DLG5: variants seen among roughly 807,000 people sequenced by gnomAD.
DLG5 encodes the protein disks large homolog 5.
A neutral mutation model predicts 189.8 loss-of-function variants in DLG5; 48 were observed. That is an observed-to-expected ratio of 0.25 (90% confidence interval 0.20 to 0.32). The LOEUF (loss-of-function observed/expected upper bound fraction) is 0.32, where lower values mean the gene tolerates loss of function less well. Among genes scored for constraint, DLG5 ranks in the 10% least tolerant of loss-of-function variants. The pLI is 1.00. For missense variants in DLG5, 2,160 were observed against 2,544.7 expected (o/e 0.85, Z 3.25); for synonymous variants, 1,016 against 1,054.1 (o/e 0.96, Z 0.70).
At chr10:77,925,336 C>T (rs1321118773) in intron 1 of DLG5, among the ~76,000 whole-genome samples, 1 of 152,198 alleles carries the variant, frequency 6.6e-6, no homozygotes, top group African/African-American at 2.4e-5. Flanking sequence ...TCTCCTCCTC[C>T]CTCAGTGCCA....
chr10:77,843,265 T>A (rs1394043540), intron 6 of DLG5, among the ~76,000 whole-genome samples, 182 bp downstream of exon 6: 1 of 152,138 alleles, frequency 6.6e-6, no homozygotes, highest in Non-Finnish European at 1.5e-5. Context: ...ACAGGGATGT[T>A]CAGATGGGAA....
intron 19 of DLG5, 128 bp from the exon 20 acceptor site, chr10:77,816,829 A>T: frequency 7.0e-7 from 1 of 1,425,232 alleles, no homozygotes; most frequent in Non-Finnish European, 9.6e-7. Flanking sequence ...TGGAGCTCAG[A>T]TGCTAGGCTC....
chr10:77,936,607 A>G, the DLG5 span, among the ~76,000 whole-genome samples: 1 of 152,184 alleles, frequency 6.6e-6, no homozygotes, highest in African/African-American at 2.4e-5. Flanking sequence ...ATTAACGATG[A>G]AATAAATAAA....
chr10:77,920,627 T>C (rs1323204345), intron 1 of DLG5, among the ~76,000 whole-genome samples: 2 of 152,184 alleles, frequency 1.3e-5, no homozygotes, highest in Non-Finnish European at 2.9e-5. Context: ...CCTCTAGCCC[T>C]GGCCACAGTG....
Position 77,821,691 on chromosome 10 carries a change from G to A in DLG5, c.2793C>T (p.Ala931=). The change falls in exon 15 of 32, where the codon GCC becomes GCT. Residue 931 remains alanine, a synonymous_variant. Transcript: ENST00000372391. ...CTTCAGAGTCTGCCTTGTCCAGGGA[G>A]GCCTCCCCAACCCCACAGGGGCCCA... ...TEVGPCGVGE[A]SLDKADSEGS... The A allele has an allele frequency of 6.2e-7, 1 of 1,612,454 alleles. No individual in the cohort carries two copies. The highest frequency in any genetic ancestry group is 8.5e-7 in the Non-Finnish European group (1 of 1,179,702).
Position 77,824,444 on chromosome 10 carries a change from C to A in DLG5, c.2322G>T (p.Leu774=). 6.2e-7 allele frequency: 1 copy of A among 1,614,106 alleles called. No individual in the cohort carries two copies. The highest frequency in any genetic ancestry group is 1.6e-4 in the Middle Eastern group (1 of 6,062). The part of the protein sequence containing the change: ...INGIALDNKS[L]NECESLLRSC... ...TGCGCAGCAGAGATTCACATTCATT[C>A]AGAGACTTGTTGTCCAGTGCAATGC... The change falls in exon 14 of 32, where the codon CTG becomes CTT. Residue 774 remains leucine, a synonymous_variant. Coordinates refer to ENST00000372391, the MANE Select transcript of DLG5 (RefSeq NM_004747.4).
At chr10:77,816,269 C>T (rs528205652) in intron 20 of DLG5, 1 of 668,474 alleles carries the variant, frequency 1.5e-6, no homozygotes, top group African/African-American at 1.8e-5. Flanking sequence ...AACAAGGGCC[C>T]AGGAAGGTGT....
At chr10:77,832,675 A>G (rs1842938427) in intron 9 of DLG5, among the ~76,000 whole-genome samples, 1 of 152,234 alleles carries the variant, frequency 6.6e-6, no homozygotes, top group African/African-American at 2.4e-5. Flanking sequence ...GACAGGAGGC[A>G]CAAATGCAAA....
At chr10:77,815,372 T>C (rs1013809798) in intron 20 of DLG5, among the ~76,000 whole-genome samples, 2 of 152,154 alleles carry the variant, frequency 1.3e-5, no homozygotes, top group Non-Finnish European at 2.9e-5. Context: ...ATATAAGATT[T>C]TCTCTGGCTG....
intron 9 of DLG5, among the ~76,000 whole-genome samples, chr10:77,831,398 A>C (rs1842890323): frequency 7.1e-6 from 1 of 140,410 alleles, no homozygotes; most frequent in South Asian, 2.1e-4. Context: ...ACTCCATCTC[A>C]AAAAAAAAAT....
chr10:77,821,740 G>A lies in DLG5; in HGVS notation c.2744C>T (p.Pro915Leu). The change falls in exon 15 of 32, where the codon CCA (proline) becomes CTA (leucine). Residue 915 changes from proline to leucine, a missense_variant. Pro to Leu is a moderately conservative substitution (Grantham distance 98, BLOSUM62 -3). Around this residue, in one of 5 missense-constraint regions of DLG5, gnomAD observed 754 missense variants for 746.5 expected, o/e 1.01. Coordinates refer to ENST00000372391, the MANE Select transcript of DLG5 (RefSeq NM_004747.4). ...FGLVDVRGRR[P>L]LLPFETEVGP... ...CACCTCGGTCTCAAAGGGCAGCAGTGGCCGCCGGCCACGCACGTCCACCAG... is the reference window on the plus strand; with the variant it reads ...CACCTCGGTCTCAAAGGGCAGCAGTAGCCGCCGGCCACGCACGTCCACCAG... The A allele has an allele frequency of 1.2e-6, 2 of 1,609,758 alleles. No homozygotes were observed. Among genetic ancestry groups the A allele is most frequent in the Non-Finnish European group, 1.7e-6 (2 of 1,178,620 alleles).
rs759284120 is a variant in DLG5, at chr10:77,819,905, C to T, written c.3516G>A (p.Arg1172=). 5.7e-5 allele frequency: 89 copies of T among 1,573,638 alleles called. No individual in the cohort carries two copies. The highest frequency in any genetic ancestry group is 7.4e-5 in the Non-Finnish European group (86 of 1,160,758). ...RHSNPPLYPS[R]PSVGTVPRSL... is the part of the protein sequence containing the mutation. ...GGCTGGCTGACTCACCCACAGACGG[C>T]CTGCTAGGGTATAGCGGGGGGTTGC... Residue 1172 remains arginine (R), a synonymous_variant, in exon 16 of 32, where the codon AGG becomes AGA. Transcript: ENST00000372391.
intron 1 of DLG5, among the ~76,000 whole-genome samples, chr10:77,907,826 CT>C (rs1260170377): frequency 6.6e-6 from 1 of 152,180 alleles, no homozygotes; most frequent in African/African-American, 2.4e-5. Flanking sequence ...CTCTCCTAAA[CT>C]GACTCCTGAG....
chr10:77,844,727 A>T (rs1843600726), intron 5 of DLG5, among the ~76,000 whole-genome samples: 1 of 152,370 alleles, frequency 6.6e-6, no homozygotes, highest in African/African-American at 2.4e-5. Flanking sequence ...GAAAATAAAA[A>T]ATAAAACAGA....
chr10:77,885,546 G>A (rs1845412133), intron 1 of DLG5, among the ~76,000 whole-genome samples: 1 of 152,180 alleles, frequency 6.6e-6, no homozygotes, highest in Non-Finnish European at 1.5e-5. Context: ...GAATCAAAGT[G>A]TGCCAGCCCC....
rs778437286 is a variant in DLG5, at chr10:77,828,910, G to C, written c.2261C>G (p.Ser754Cys). 2 of 1,614,182 alleles carry C rather than the reference G, an allele frequency of 1.2e-6. No homozygotes were observed. The highest frequency in any genetic ancestry group is 1.7e-6 in the Non-Finnish European group (2 of 1,180,034). The stretch of plus-strand genomic sequence containing the variant: ...AACGATCCTGTCTCCCACAGCAAGG[G>C]ACCCTTCTTTAGCGGCAGGGCTTCC... The part of the protein sequence containing the change: ...LPGSPAAKEG[S>C]LAVGDRIVAI... Residue 754 changes from serine (S) to cysteine (C), a missense_variant, in exon 13 of 32, where the codon TCC becomes TGC. Ser to Cys is a moderately radical substitution (Grantham distance 112, BLOSUM62 -1). Transcript: ENST00000372391.
rs185618854 is a variant in DLG5, at chr10:77,848,970, A to G, written c.864+4384T>C. 4.6e-5 allele frequency among the ~76,000 whole-genome samples: 7 copies of G among 152,338 alleles called. No individual in the cohort carries two copies. In the East Asian group the frequency reaches 1.3e-3, roughly 29 times the overall value. On this transcript the variant is annotated intron_variant, in intron 5 of 31. Coordinates refer to ENST00000372391, the MANE Select transcript of DLG5 (RefSeq NM_004747.4). ...AAACACCCTCTACTTAGATTCCCCA[A>G]CCAAGCCTTGTCAGGGTCTTCTGGG...
chr10:77,809,696 G>A lies in DLG5; in HGVS notation c.4498C>T (p.Pro1500Ser). ...AGDANKKTLE[P>S]RVVFIKKSQL... ...GACTTTTTGATGAAGACAACGCGTG[G>A]CTCCAGGGTCTTCTTGTTGGCATCT... The change falls in exon 24 of 32, where the codon CCA becomes TCA. Residue 1500 changes from proline to serine, a missense_variant. Physicochemically the swap from Pro to Ser is moderately conservative, Grantham distance 74. Around this residue, in one of 5 missense-constraint regions of DLG5, gnomAD observed 574 missense variants for 644.2 expected, o/e 0.89. Coordinates refer to ENST00000372391, the MANE Select transcript of DLG5 (RefSeq NM_004747.4). 1.9e-6 allele frequency: 3 copies of A among 1,613,724 alleles called. No homozygotes were observed. Among genetic ancestry groups the A allele is most frequent in the Non-Finnish European group, 2.5e-6 (3 of 1,179,880 alleles).
At position 77,916,231 on chromosome 10, in the gene DLG5, A is replaced by G. The variant is rs147461500; in HGVS notation, c.304+9986T>C. Among the ~76,000 whole-genome samples, 1,367 of 152,254 alleles carry G rather than the reference A, an allele frequency of 9.0e-3. 22 individuals carry two copies. The highest frequency in any genetic ancestry group is 0.031 in the African/African-American group (1,285 of 41,530). ...AAGACCCTGTCTCAAAAAAGAAAAGAGTCACAGATAACTACTGAACTGTCC... is the reference window on the plus strand; with the variant it reads ...AAGACCCTGTCTCAAAAAAGAAAAGGGTCACAGATAACTACTGAACTGTCC... On this transcript the variant is annotated intron_variant, in intron 1 of 31. Transcript: ENST00000372391.
Sources: gnomAD v4.1 joint callset for allele counts (sites outside exome capture counted in the v4.1 genomes callset) on GRCh38, gnomAD v4.1.1 for gene constraint, gnomAD v4.1.1 regional missense constraint, MANE v1.5 for transcripts, NCBI Gene and HGNC (gene_info 2026-07-23, HGNC 2026-07-21) for gene names.